The following USP6NL variants were observed in gnomAD, a reference collection of about 807,000 sequenced individuals.
USP6NL encodes USP6 N-terminal-like protein.
A neutral mutation model predicts 61.9 loss-of-function variants in USP6NL; 26 were observed. The ratio of observed to expected loss-of-function variants is 0.42; its 90% CI spans 0.31 to 0.58. The LOEUF (loss-of-function observed/expected upper bound fraction) is 0.58, where lower values mean the gene tolerates loss of function less well. USP6NL is among the 20% of genes least tolerant of loss of function. USP6NL has a pLI of 0.16. For synonymous variants in USP6NL, 432 were observed against 390.1 expected (o/e 1.11, Z -1.27); for missense variants, 1,114 against 1,034.3 (o/e 1.08, Z -1.06).
At position 11,532,295 on chromosome 10, in the gene USP6NL, G is replaced by T; in HGVS notation, c.5-4728C>A. The T allele has an allele frequency of 7.0e-7, 1 of 1,425,520 alleles. No individual in the cohort carries two copies. Among genetic ancestry groups the T allele is most frequent in the Non-Finnish European group, 9.5e-7 (1 of 1,053,844 alleles). The allele number at this position is 1,425,520 out of a possible 1,614,324, so 88.3% of individuals were successfully genotyped here. ...TATAGTTCTCGAACACACCAAGAGT[G>T]CTGCCCGGCGGTACCTCACACATTC... On this transcript the variant is annotated intron_variant, in intron 2 of 14. Coordinates refer to ENST00000609104, the MANE Select transcript of USP6NL (RefSeq NM_014688.5). The surrounding 1 kb of genome is among the most constrained non-coding windows in gnomAD (Gnocchi z 4.1).
At chr10:11,507,007 A>C (rs1435531532) in intron 6 of USP6NL, among the ~76,000 whole-genome samples, 1 of 152,230 alleles carries the variant, frequency 6.6e-6, no homozygotes, top group Non-Finnish European at 1.5e-5. Context: ...CACATATATC[A>C]TCAAATGATT....
At chr10:11,601,244 T>C (rs956708264) in intron 1 of USP6NL, among the ~76,000 whole-genome samples, 1 of 152,148 alleles carries the variant, frequency 6.6e-6, no homozygotes, top group Non-Finnish European at 1.5e-5. Context: ...ATATATACTG[T>C]ACACACATAC....
At chr10:11,584,968 T>C (rs1459162478) in intron 2 of USP6NL, among the ~76,000 whole-genome samples, 1 of 151,884 alleles carries the variant, frequency 6.6e-6, no homozygotes, top group Non-Finnish European at 1.5e-5. Flanking sequence ...CAAAAAACCA[T>C]ATGAAACTCC....
Position 11,598,689 on chromosome 10 carries a change from A to AT in USP6NL, c.-83-973dup, listed in dbSNP as rs1455602100. Among the ~76,000 whole-genome samples, 2 of 152,322 alleles carry AT rather than the reference A, an allele frequency of 1.3e-5. No individual in the cohort carries two copies. Among genetic ancestry groups the AT allele is most frequent in the Admixed American group, 1.3e-4 (2 of 15,306 alleles). ...CTTCCAATCACAATAGGTGATGGTT[A>AT]TTTTCTAAATCAATTAAGAAAACAG... On this transcript the variant is annotated intron_variant, in intron 1 of 14. Transcript: ENST00000609104. The surrounding 1 kb of genome is among the most constrained non-coding windows in gnomAD (Gnocchi z 4.7).
intron 2 of USP6NL, among the ~76,000 whole-genome samples, chr10:11,571,674 G>A (rs1015010889): frequency 3.3e-5 from 5 of 149,932 alleles, no homozygotes; most frequent in Non-Finnish European, 5.9e-5. Flanking sequence ...CTCTTCTTAG[G>A]GGTCAGTGTT....
Position 11,528,442 on chromosome 10 carries a change from G to A in USP6NL, c.5-875C>T, listed in dbSNP as rs541999944. On this transcript the variant is annotated intron_variant, in intron 2 of 14. Coordinates refer to ENST00000609104, the MANE Select transcript of USP6NL (RefSeq NM_014688.5). This position sits in a 1 kb window ranked among gnomAD's most constrained non-coding sequence, Gnocchi z 4.6. ...CCTGGCAGATAGTAAGATACTGCCA[G>A]GCAGCAAATACTGTGCTAATAAGCA... 6.6e-5 allele frequency among the ~76,000 whole-genome samples: 10 copies of A among 152,184 alleles called. No homozygotes were observed. Among genetic ancestry groups the A allele is most frequent in the Non-Finnish European group, 1.5e-4 (10 of 68,020 alleles).
In USP6NL at chr10:11,462,357, T is replaced by C; in HGVS notation, c.*84A>G. 11 of 1,455,002 alleles carry C rather than the reference T, an allele frequency of 7.6e-6. No individual in the cohort carries two copies. The highest frequency in any genetic ancestry group is 1.0e-5 in the Non-Finnish European group (11 of 1,086,446). The allele number at this position is 1,455,002 out of a possible 1,614,324, so 90.1% of individuals were successfully genotyped here. Reference sequence around the variant, plus strand: ...GATGTGCGAGTTGTTTACAATAGTATAAATACTGCTTTGGCAATTATGAAC... The same window carrying C: ...GATGTGCGAGTTGTTTACAATAGTACAAATACTGCTTTGGCAATTATGAAC... On this transcript the variant is annotated 3_prime_UTR_variant, in exon 15 of 15. Coordinates refer to ENST00000609104, the MANE Select transcript of USP6NL (RefSeq NM_014688.5).
chr10:11,605,584 T>C (rs191704776), intron 1 of USP6NL, among the ~76,000 whole-genome samples: 5 of 152,344 alleles, frequency 3.3e-5, no homozygotes, highest in African/African-American at 7.2e-5. Flanking sequence ...ATAGTTACTA[T>C]GCTTACTGCA....
chr10:11,577,355 C>T (rs1017547594), intron 2 of USP6NL, among the ~76,000 whole-genome samples: 3 of 151,742 alleles, frequency 2.0e-5, no homozygotes, highest in Non-Finnish European at 4.4e-5. Context: ...TGAGCCACCA[C>T]GCCCAGCCTA....
At chr10:11,519,741 A>G (rs60588238) in intron 4 of USP6NL, among the ~76,000 whole-genome samples, 17,284 of 152,238 alleles carry the variant, frequency 0.11, 1,570 homozygotes, top group East Asian at 0.45. Flanking sequence ...GACACAGTAT[A>G]TTTGTGATAT....
At position 11,499,042 on chromosome 10, in the gene USP6NL, G is replaced by A. The variant is rs1425355699; in HGVS notation, c.384+2059C>T. Among the ~76,000 whole-genome samples, 1 of 152,102 alleles carries A rather than the reference G, an allele frequency of 6.6e-6. No homozygotes were observed. Among genetic ancestry groups the A allele is most frequent in the Non-Finnish European group, 1.5e-5 (1 of 68,026 alleles). The stretch of plus-strand genomic sequence containing the variant: ...CAAGAAAGGACAAACAGGCCACCAG[G>A]GGAACTTGAAGGACTGAATGCTGAT... On this transcript the variant is annotated intron_variant, in intron 7 of 14. Coordinates refer to ENST00000609104, the MANE Select transcript of USP6NL (RefSeq NM_014688.5). The surrounding 1 kb of genome is among the most constrained non-coding windows in gnomAD (Gnocchi z 4.5).
chr10:11,501,103 T>C lies in USP6NL; in HGVS notation c.382A>G (p.Ser128Gly). Residue 128 changes from serine to glycine, a missense_variant and splice_region_variant, in exon 7 of 15, where the codon AGT (serine) becomes GGT (glycine). By Grantham distance (56) the Ser-to-Gly change is moderately conservative. Transcript: ENST00000609104. Reference protein sequence around the residue: ...KMKEETRDLYSKLKHRARGCS... With the variant: ...KMKEETRDLYGKLKHRARGCS... The stretch of plus-strand genomic sequence containing the variant: ...ACAAGTTAGCTTTAGCTACTCACAC[T>C]ATACAGGTCCCTTGTTTCTTCTTTC... 6.2e-7 allele frequency: 1 copy of C among 1,601,698 alleles called. No individual in the cohort carries two copies. Among genetic ancestry groups the C allele is most frequent in the Non-Finnish European group, 8.5e-7 (1 of 1,175,432 alleles).
chr10:11,538,475 T>TCA (rs1835925631), intron 2 of USP6NL, among the ~76,000 whole-genome samples: 1 of 152,208 alleles, frequency 6.6e-6, no homozygotes, highest in South Asian at 2.1e-4. Flanking sequence ...GTGTCTCTGG[T>TCA]ATCTATCAGT....
Position 11,491,205 on chromosome 10 carries a change from G to A in USP6NL, c.495-325C>T, listed in dbSNP as rs951487860. Among the ~76,000 whole-genome samples the A allele has an allele frequency of 2.0e-5, 3 of 152,180 alleles. No individual in the cohort carries two copies. Among genetic ancestry groups the A allele is most frequent in the African/African-American group, 7.2e-5 (3 of 41,438 alleles). On this transcript the variant is annotated intron_variant, in intron 8 of 14. Transcript: ENST00000609104. The surrounding 1 kb of genome is among the most constrained non-coding windows in gnomAD (Gnocchi z 4.7). The stretch of plus-strand genomic sequence containing the variant: ...GCTGGCTTGACAGAATGGTGGAATG[G>A]CCTTTTGAAGGCTCAGTGACATTGC...
chr10:11,551,876 T>C (rs1210828717), intron 2 of USP6NL, among the ~76,000 whole-genome samples: 1 of 152,210 alleles, frequency 6.6e-6, no homozygotes, highest in African/African-American at 2.4e-5. Context: ...GGCAGCTCAA[T>C]TGTTTTGTTA....
chr10:11,473,180 A>G (rs1008655355), intron 14 of USP6NL, among the ~76,000 whole-genome samples: 1 of 152,192 alleles, frequency 6.6e-6, no homozygotes, highest in South Asian at 2.1e-4. Context: ...CCTTTTATAA[A>G]CAGTAGTTTT....
chr10:11,568,748 T>A (rs923074576), intron 2 of USP6NL, among the ~76,000 whole-genome samples: 10 of 152,160 alleles, frequency 6.6e-5, no homozygotes, highest in Non-Finnish European at 1.0e-4. Flanking sequence ...CCATATTGCT[T>A]TTGTCCTTAC....
chr10:11,472,571 T>C (rs1200024745), intron 14 of USP6NL, among the ~76,000 whole-genome samples: 1 of 152,268 alleles, frequency 6.6e-6, no homozygotes, highest in African/African-American at 2.4e-5. Context: ...TCTACTATTC[T>C]AGGAAAGAGT....
Position 11,481,818 on chromosome 10 carries a change from T to C in USP6NL, c.1030A>G (p.Ile344Val). ...EDDFVIEQLQ[I>V]SMTELKRAKL... is the part of the protein sequence containing the mutation. ...GCCCGCTTTAGTTCTGTCATAGAAA[T>C]CTGAAGTTGCTCTATCACAAAATCA... is the stretch of plus-strand genomic sequence containing the variant. Residue 344 changes from isoleucine to valine, a missense_variant, in exon 14 of 15, where the codon ATT becomes GTT. Coordinates refer to ENST00000609104, the MANE Select transcript of USP6NL (RefSeq NM_014688.5). This position sits in a 1 kb window ranked among gnomAD's most constrained non-coding sequence, Gnocchi z 4.4. 2 of 1,613,336 alleles carry C rather than the reference T, an allele frequency of 1.2e-6. No homozygotes were observed. Among genetic ancestry groups the C allele is most frequent in the South Asian group, 2.2e-5 (2 of 90,894 alleles).
Sources: gnomAD v4.1 joint callset for allele counts (sites outside exome capture counted in the v4.1 genomes callset) on GRCh38, gnomAD v4.1.1 for gene constraint, Gnocchi (gnomAD v3.1) non-coding constraint, MANE v1.5 for transcripts, NCBI Gene and HGNC (gene_info 2026-07-23, HGNC 2026-07-21) for gene names.